PRDM16: variants seen among roughly 807,000 people sequenced by gnomAD.
The protein encoded by PRDM16 is histone-lysine N-methyltransferase PRDM16.
Under a neutral mutation model 110.6 loss-of-function variants are expected in PRDM16, and 23 were observed. The ratio of observed to expected loss-of-function variants is 0.21; its 90% confidence interval spans 0.15 to 0.29. The LOEUF (loss-of-function observed/expected upper bound fraction) is 0.29, where lower values mean the gene tolerates loss of function less well. PRDM16 is among the 10% of genes least tolerant of loss of function. PRDM16 has a pLI of 1.00. For synonymous variants in PRDM16, 799 were observed against 781.8 expected (o/e 1.02, Z -0.37); for missense variants, 1,615 against 1,794.3 (o/e 0.90, Z 1.81).
chr1:3,287,273 C>T (rs750006360), intron 3 of PRDM16, among the ~76,000 whole-genome samples: 6 of 144,310 alleles, frequency 4.2e-5, no homozygotes, highest in African/African-American at 7.9e-5. Context: ...GGAGGCGCCC[C>T]GCCACGCGGG....
At chr1:3,207,769 T>C (rs894198574) in intron 2 of PRDM16, 1 of 152,200 alleles carries the variant, frequency 6.6e-6, no homozygotes, top group Non-Finnish European at 1.5e-5. Flanking sequence ...ACCCCAATAA[T>C]TGCGCTCATC....
intron 2 of PRDM16, among the ~76,000 whole-genome samples, chr1:3,196,578 C>G (rs1175757182): frequency 1.3e-5 from 2 of 152,168 alleles, no homozygotes. Context: ...GCCCGTGGCA[C>G]CAGAGAGGGG....
At chr1:3,211,112 C>A (rs1009023224) in intron 2 of PRDM16, among the ~76,000 whole-genome samples, 29 of 152,316 alleles carry the variant, frequency 1.9e-4, no homozygotes, top group African/African-American at 7.0e-4. Context: ...GCATCTATTT[C>A]TTGGTCATTT....
At chr1:3,259,132 AGCAGTACCTCCGTCCCG>A in intron 3 of PRDM16, among the ~76,000 whole-genome samples, 1 of 152,222 alleles carries the variant, frequency 6.6e-6, no homozygotes, top group South Asian at 2.1e-4. Context: ...TGCAGGGATG[AGCAGTACCTCCGTCCCG>A]GCCCTTCTGC....
chr1:3,431,824 G>C (rs557180314), intron 15 of PRDM16, 142 bp from the exon 16 acceptor site: 9 of 778,108 alleles, frequency 1.2e-5, no homozygotes, highest in Non-Finnish European at 1.7e-5. Flanking sequence ...CTGTGTGTCC[G>C]TGTGTCTGTC....
intron 1 of PRDM16, among the ~76,000 whole-genome samples, chr1:3,151,954 G>C (rs1643782356): frequency 1.3e-5 from 2 of 152,220 alleles, no homozygotes. Context: ...CTCTTGGAGA[G>C]AACAGGGGTC....
chr1:3,328,053 G>A (rs1305483610), intron 3 of PRDM16, among the ~76,000 whole-genome samples: 1 of 152,352 alleles, frequency 6.6e-6, no homozygotes, highest in Non-Finnish European at 1.5e-5. Context: ...GGAAGACCTG[G>A]GGGACTCGGG....
rs748019115 is a variant in PRDM16 at position 3,412,495 on chromosome 1, C to G, written c.2298C>G (p.Gly766=). Residue 766 remains glycine, a synonymous_variant, in exon 9 of 17, where the codon GGC becomes GGG. Transcript: ENST00000270722. ...CCCGGGACGCCCTCAAGGTGGGCGG[C>G]CCCAGTGCCGAGTGCCCCTTTGATC... ...KSPRDALKVG[G]PSAECPFDLT... 1 of 1,613,264 alleles carries G rather than the reference C, an allele frequency of 6.2e-7. No individual in the cohort carries two copies. Among genetic ancestry groups the G allele is most frequent in the South Asian group, 1.1e-5 (1 of 91,080 alleles).
chr1:3,269,525 A>C (rs1160850575), intron 3 of PRDM16, among the ~76,000 whole-genome samples: 1 of 135,090 alleles, frequency 7.4e-6, no homozygotes, highest in Non-Finnish European at 1.6e-5. Flanking sequence ...TGGGAGGAGG[A>C]CAGTCGGGGA....
intron 14 of PRDM16, among the ~76,000 whole-genome samples, chr1:3,427,576 G>C (rs915744033): frequency 5.9e-5 from 9 of 152,168 alleles, no homozygotes; most frequent in African/African-American, 2.2e-4. Flanking sequence ...GCTTCTAGGA[G>C]AGTGGGGGTA....
intron 3 of PRDM16, among the ~76,000 whole-genome samples, chr1:3,345,669 C>A (rs1642345927): frequency 6.6e-6 from 1 of 152,170 alleles, no homozygotes; most frequent in Non-Finnish European, 1.5e-5. Flanking sequence ...GCAGCAGGAC[C>A]CCCTCTGTGG....
intron 1 of PRDM16, among the ~76,000 whole-genome samples, chr1:3,070,347 C>A (rs1641719277): frequency 6.7e-6 from 1 of 148,162 alleles, no homozygotes; most frequent in East Asian, 1.9e-4. Context: ...GCAGCCCGCG[C>A]GCACCCCGCA....
At chr1:3,394,590 C>T (rs1288774132) in intron 4 of PRDM16, 2 of 369,896 alleles carry the variant, frequency 5.4e-6, no homozygotes, top group Admixed American at 2.9e-5. Context: ...GAAGCCTCAG[C>T]CTCGCCCGCT....
chr1:3,295,970 G>A (rs1641080555), intron 3 of PRDM16, among the ~76,000 whole-genome samples: 2 of 152,230 alleles, frequency 1.3e-5, no homozygotes, highest in South Asian at 2.1e-4. Flanking sequence ...AGCTTGTGCA[G>A]TGGAATGTTC....
chr1:3,221,806 G>T (rs116020406), intron 2 of PRDM16, among the ~76,000 whole-genome samples: 1 of 152,222 alleles, frequency 6.6e-6, no homozygotes, highest in African/African-American at 2.4e-5. Flanking sequence ...AACACAGGTC[G>T]TGCATGCAAA....
chr1:3,114,643 AGCACACACACGT>A (rs1359079671), intron 1 of PRDM16, among the ~76,000 whole-genome samples: 1 of 150,524 alleles, frequency 6.6e-6, no homozygotes, highest in Non-Finnish European at 1.5e-5. Context: ...CATATGTGCA[AGCACACACACGT>A]GCACACACAA....
At position 3,174,775 on chromosome 1, in the gene PRDM16, C is replaced by T. The variant is rs918665317; in HGVS notation, c.38-11350C>T. On this transcript the variant is annotated intron_variant, in intron 1 of 16. Coordinates refer to ENST00000270722, the MANE Select transcript of PRDM16 (RefSeq NM_022114.4). Reference sequence around the variant, plus strand: ...AGGGCTCCGTCTTCCCAGGCTCTCCCGGGCCCTAATGACAATTCGGCTTCA... The same window carrying T: ...AGGGCTCCGTCTTCCCAGGCTCTCCTGGGCCCTAATGACAATTCGGCTTCA... 3.9e-5 allele frequency among the ~76,000 whole-genome samples: 6 copies of T among 152,206 alleles called. No individual in the cohort carries two copies. The East Asian group carries it at 7.7e-4, about 20-fold the overall frequency.
intron 3 of PRDM16, among the ~76,000 whole-genome samples, chr1:3,259,495 T>G (rs1405332714): frequency 6.6e-6 from 1 of 152,114 alleles, no homozygotes; most frequent in African/African-American, 2.4e-5. Context: ...GCAGCTGCCT[T>G]TCTTCCCCTC....
chr1:3,290,601 C>T lies in PRDM16; in HGVS notation c.438+46464C>T, dbSNP rs141749719. On this transcript the variant is annotated intron_variant, in intron 3 of 16. Coordinates refer to ENST00000270722, the MANE Select transcript of PRDM16 (RefSeq NM_022114.4). The surrounding 1 kb of genome is among the most constrained non-coding windows in gnomAD (Gnocchi z 4.8). ...CTGAAGAAGCCCCGTGGCTCCGGCTCCGTCTGCAGGATCCCTCCCAGGACG... is the reference window on the plus strand; with the variant it reads ...CTGAAGAAGCCCCGTGGCTCCGGCTTCGTCTGCAGGATCCCTCCCAGGACG... Among the ~76,000 whole-genome samples, 902 of 152,278 alleles carry T rather than the reference C, an allele frequency of 5.9e-3. 11 individuals are homozygous for T. Among genetic ancestry groups the T allele is most frequent in the African/African-American group, 0.021 (866 of 41,554 alleles).
Sources: gnomAD v4.1 joint callset for allele counts (sites outside exome capture counted in the v4.1 genomes callset) on GRCh38, gnomAD v4.1.1 for gene constraint, Gnocchi (gnomAD v3.1) non-coding constraint, MANE v1.5 for transcripts, NCBI Gene and HGNC (gene_info 2026-07-23, HGNC 2026-07-21) for gene names.